SCAF11: variants seen among roughly 807,000 people sequenced by gnomAD.
SCAF11 encodes SR-related CTD associated factor 11.
SCAF11 carries 47 observed loss-of-function variants against 140.5 expected under a neutral mutation model. The ratio of observed to expected loss-of-function variants is 0.33; its 90% CI spans 0.26 to 0.43. The LOEUF is 0.43. SCAF11 is among the 20% of genes least tolerant of loss of function. SCAF11 has a pLI of 1.00. For synonymous variants in SCAF11, 557 were observed against 579.4 expected (o/e 0.96, Z 0.55); for missense variants, 1,645 against 1,705.1 (o/e 0.96, Z 0.62).
rs1944682032 is a variant in SCAF11, at chr12:45,920,582, C to T, written c.*1466G>A. 6.6e-6 allele frequency: 1 copy of T among 151,672 alleles called. No homozygotes were observed. 9.4% of individuals were successfully genotyped at this position (151,672 alleles called of 1,614,324 possible). A position where few individuals can be genotyped will look rare whatever the true frequency, so the allele number is the denominator to read the frequency against. ...ATTTTAAACTTACCTTTTATAAAAACTGAGATATTCTAGTATTAAAAAGAG... is the reference window on the plus strand; with the variant it reads ...ATTTTAAACTTACCTTTTATAAAAATTGAGATATTCTAGTATTAAAAAGAG... On this transcript the variant is annotated 3_prime_UTR_variant, in exon 15 of 15. Coordinates refer to ENST00000369367, the MANE Select transcript of SCAF11 (RefSeq NM_004719.3).
intron 10 of SCAF11, among the ~76,000 whole-genome samples, chr12:45,930,740 T>C (rs903094067): frequency 7.9e-5 from 12 of 152,200 alleles, no homozygotes; most frequent in African/African-American, 2.9e-4. Flanking sequence ...TTTGATAAAT[T>C]TTAACTTGTT....
At chr12:45,975,721 G>A (rs1445676863) in intron 1 of SCAF11, 1 of 152,308 alleles carries the variant, frequency 6.6e-6, no homozygotes, top group Non-Finnish European at 1.5e-5. Flanking sequence ...AGGCTGTTTG[G>A]TCTAATTTCA....
chr12:45,969,959 G>A lies in SCAF11; in HGVS notation c.-21-5771C>T, dbSNP rs1033480148. 2.5e-4 allele frequency among the ~76,000 whole-genome samples: 38 copies of A among 151,834 alleles called. 1 individual carries two copies. The highest frequency in any genetic ancestry group is 1.3e-4 in the Admixed American group (2 of 15,244). Reference sequence around the variant, plus strand: ...GTCGCCCAGGCTGGAGTGCAGTGGCGCATCTCAGCTCACCGCAACCTCCGC... The same window carrying A: ...GTCGCCCAGGCTGGAGTGCAGTGGCACATCTCAGCTCACCGCAACCTCCGC... On this transcript the variant is annotated intron_variant, in intron 1 of 14. Coordinates refer to ENST00000369367, the MANE Select transcript of SCAF11 (RefSeq NM_004719.3).
chr12:45,964,182 G>A lies in SCAF11; in HGVS notation c.-15C>T. Reference sequence around the variant, plus strand: ...TTCTTCTTCATTTCTCTTTGGAAAAGGGTTTCCTATAAGATAAATTATAAT... The same window carrying A: ...TTCTTCTTCATTTCTCTTTGGAAAAAGGTTTCCTATAAGATAAATTATAAT... On this transcript the variant is annotated 5_prime_UTR_variant, in exon 2 of 15. Transcript: ENST00000369367. The A allele has an allele frequency of 2.1e-6, 3 of 1,433,814 alleles. No homozygotes were observed. Among genetic ancestry groups the A allele is most frequent in the East Asian group, 2.3e-5 (1 of 43,718 alleles). The allele number at this position is 1,433,814 out of a possible 1,614,324, so 88.8% of individuals were successfully genotyped here.
intron 1 of SCAF11, among the ~76,000 whole-genome samples, chr12:45,982,765 A>G (rs1946377012): frequency 6.6e-6 from 1 of 152,212 alleles, no homozygotes; most frequent in Non-Finnish European, 1.5e-5. Context: ...GAGAATTTTT[A>G]TAACAGTGTT....
Position 45,928,043 on chromosome 12 carries a change from C to T in SCAF11, c.1658G>A (p.Cys553Tyr). 1 of 1,613,652 alleles carries T rather than the reference C, an allele frequency of 6.2e-7. No homozygotes were observed. Among genetic ancestry groups the T allele is most frequent in the South Asian group, 1.1e-5 (1 of 91,084 alleles). Residue 553 changes from cysteine (C) to tyrosine (Y), a missense_variant, in exon 11 of 15, where the codon TGT (cysteine) becomes TAT (tyrosine). Around this residue, in one of 2 missense-constraint regions of SCAF11, gnomAD observed 1,582 missense variants for 1,609.2 expected, o/e 0.98. Coordinates refer to ENST00000369367, the MANE Select transcript of SCAF11 (RefSeq NM_004719.3). The stretch of plus-strand genomic sequence containing the variant: ...GTACACTTTGCTTTCAGATGTTAAA[C>T]ATGTAGGAAAATCATTTGGAAGATG... ...TVHLPNDFPT[C>Y]LTSESKVYQP...
At chr12:45,955,753 C>G (rs1945675750) in intron 3 of SCAF11, 1 of 167,788 alleles carries the variant, frequency 6.0e-6, no homozygotes, top group African/African-American at 2.4e-5. Flanking sequence ...AACAAAATAT[C>G]CTTCAATGAC....
rs1944679147 is a variant in SCAF11 at position 45,920,393 on chromosome 12, G to T, written c.*1655C>A. ...GCTAAATAGTTTAGCTAGTAAAAAGGTCAGTTTATCTCACTGAGGCATGTA... is the reference window on the plus strand; with the variant it reads ...GCTAAATAGTTTAGCTAGTAAAAAGTTCAGTTTATCTCACTGAGGCATGTA... On this transcript the variant is annotated 3_prime_UTR_variant, in exon 15 of 15. Transcript: ENST00000369367. 1 of 152,152 alleles carries T rather than the reference G, an allele frequency of 6.6e-6. No homozygotes were observed. Among genetic ancestry groups the T allele is most frequent in the African/African-American group, 2.4e-5 (1 of 41,434 alleles). 9.4% of individuals were successfully genotyped at this position (152,152 alleles called of 1,614,324 possible). A position where few individuals can be genotyped will look rare whatever the true frequency, so the allele number is the denominator to read the frequency against.
intron 1 of SCAF11, chr12:45,975,848 C>T (rs753382347): frequency 2.6e-5 from 4 of 152,108 alleles, no homozygotes; most frequent in African/African-American, 4.8e-5. Flanking sequence ...GGGCGCTCTT[C>T]GTGGTGCCCC....
chr12:45,947,600 G>A (rs1157230581), intron 5 of SCAF11, among the ~76,000 whole-genome samples: 1 of 152,146 alleles, frequency 6.6e-6, no homozygotes, highest in Non-Finnish European at 1.5e-5. Flanking sequence ...TTACAGTGTG[G>A]TATGAGCACC....
rs1255949283 is a variant in SCAF11, at chr12:45,945,369, ACTTATTTTCAACTCATTCTC to A, written c.399-76_399-57del. 1.4e-5 allele frequency: 15 copies of A among 1,045,678 alleles called. No individual in the cohort carries two copies. In the African/African-American group the frequency reaches 2.3e-4, roughly 16 times the overall value. The allele number at this position is 1,045,678 out of a possible 1,614,324, so 64.8% of individuals were successfully genotyped here. On this transcript the variant is annotated intron_variant, in intron 5 of 14. Coordinates refer to ENST00000369367, the MANE Select transcript of SCAF11 (RefSeq NM_004719.3). ...TAAGAAAAAAACTGTCATTTTGCTC[ACTTATTTTCAACTCATTCTC>A]CTCCATCAAAATGAAATCTATCATG...
Position 45,927,602 on chromosome 12 carries a change from G to A in SCAF11, c.2099C>T (p.Thr700Ile), listed in dbSNP as rs1944916352. ...ATGCTTCTGAATCTGTTCAATGTGT[G>A]TTTTAGGCAACTCTGTAGATCTAGG... ...EHPRSTELPK[T>I]HIEQIQKHFS... is the part of the protein sequence containing the mutation. Residue 700 changes from threonine to isoleucine, a missense_variant, in exon 11 of 15, where the codon ACA becomes ATA. Coordinates refer to ENST00000369367, the MANE Select transcript of SCAF11 (RefSeq NM_004719.3). 6.2e-7 allele frequency: 1 copy of A among 1,611,354 alleles called. No homozygotes were observed. The highest frequency in any genetic ancestry group is 8.5e-7 in the Non-Finnish European group (1 of 1,179,548).
intron 1 of SCAF11, among the ~76,000 whole-genome samples, chr12:45,983,785 A>ACACACACG (rs1565695884): frequency 6.6e-6 from 1 of 151,000 alleles, no homozygotes; most frequent in Non-Finnish European, 1.5e-5. Context: ...ACACACACAC[A>ACACACACG]AAGACTGAAC....
intron 11 of SCAF11, among the ~76,000 whole-genome samples, 167 bp downstream of exon 11, chr12:45,925,975 A>G (rs1053556624): frequency 2.6e-5 from 4 of 152,332 alleles, no homozygotes; most frequent in African/African-American, 7.2e-5. Flanking sequence ...ATGTAGATAA[A>G]CGTACGTGTA....
intron 1 of SCAF11, among the ~76,000 whole-genome samples, chr12:45,987,134 G>A (rs532030458): frequency 8.5e-5 from 13 of 152,314 alleles, no homozygotes; most frequent in African/African-American, 3.1e-4. Context: ...GCCAAGGCGG[G>A]ATGATTACTT....
At chr12:45,930,569 C>T (rs1265154226) in intron 10 of SCAF11, among the ~76,000 whole-genome samples, 1 of 149,886 alleles carries the variant, frequency 6.7e-6, no homozygotes, top group Non-Finnish European at 1.5e-5. Flanking sequence ...CACTTGAGTA[C>T]ACCAGAATAG....
chr12:45,945,026 C>G (rs530961136), intron 6 of SCAF11: 17 of 501,356 alleles, frequency 3.4e-5, no homozygotes, highest in African/African-American at 3.0e-4. Context: ...TCCCAACACA[C>G]GCACACACAC....
intron 1 of SCAF11, among the ~76,000 whole-genome samples, chr12:45,973,007 T>G (rs544039496): frequency 2.6e-4 from 36 of 137,976 alleles, no homozygotes; most frequent in South Asian, 1.5e-3. Flanking sequence ...TATAGATATA[T>G]ATATAGATAT....
chr12:45,981,556 TAC>T (rs1946351572), intron 1 of SCAF11, among the ~76,000 whole-genome samples: 1 of 152,208 alleles, frequency 6.6e-6, no homozygotes, highest in South Asian at 2.1e-4. Flanking sequence ...CTTGAATAAA[TAC>T]GTTTTTGTTT....
Sources: allele counts gnomAD v4.1 joint callset (sites outside exome capture counted in the v4.1 genomes callset), GRCh38; gene constraint gnomAD v4.1.1; regional missense constraint gnomAD v4.1.1; transcripts MANE v1.5; gene names NCBI Gene and HGNC (gene_info 2026-07-23, HGNC 2026-07-21).